MEMO1: variants seen among roughly 807,000 people sequenced by gnomAD.
MEMO1 encodes mediator of cell motility 1.
MEMO1 carries 6 observed loss-of-function variants against 45.2 expected under a neutral mutation model. That is an observed-to-expected ratio of 0.13 (90% CI 0.07 to 0.26). The LOEUF is 0.26. Among genes scored for constraint, MEMO1 ranks in the 10% least tolerant of loss-of-function variants. MEMO1 has a pLI of 1.00. For missense variants in MEMO1, 184 were observed against 370.5 expected, an observed-to-expected ratio of 0.50 and a Z score of 4.13; for synonymous variants, 78 against 124.3, an observed-to-expected ratio of 0.63 and a Z score of 2.48.
intron 5 of MEMO1, 112 bp from the exon 6 acceptor site, chr2:31,918,149 C>G: frequency 1.9e-6 from 1 of 515,820 alleles, no homozygotes. Flanking sequence ...GACAGAAACA[C>G]CATATAATAT....
intron 2 of MEMO1, among the ~76,000 whole-genome samples, chr2:31,972,685 T>C (rs1001029138): frequency 1.3e-5 from 2 of 152,030 alleles, no homozygotes; most frequent in Admixed American, 1.3e-4. Flanking sequence ...CACTCCAGCC[T>C]AGGCAACAGA....
chr2:31,873,857 T>A (rs1674156563), intron 8 of MEMO1, among the ~76,000 whole-genome samples: 1 of 152,012 alleles, frequency 6.6e-6, no homozygotes, highest in African/African-American at 2.4e-5. Flanking sequence ...ACAGTGAAAG[T>A]TTTATGGAAA....
chr2:31,973,322 C>T (rs1011530237), intron 2 of MEMO1, among the ~76,000 whole-genome samples: 2 of 151,880 alleles, frequency 1.3e-5, no homozygotes, highest in African/African-American at 4.8e-5. Context: ...TGTGTGGTGG[C>T]GGGTGCCTGT....
At chr2:31,992,501 G>T (rs928105239) in intron 2 of MEMO1, among the ~76,000 whole-genome samples, 1 of 152,160 alleles carries the variant, frequency 6.6e-6, no homozygotes, top group South Asian at 2.1e-4. Context: ...GTGAATTAAT[G>T]GGCGGGGCAC....
At chr2:31,887,397 T>A (rs2366297) in intron 7 of MEMO1, among the ~76,000 whole-genome samples, 65,850 of 151,928 alleles carry the variant, frequency 0.43, 14,489 homozygotes, top group Admixed American at 0.47. Context: ...AAGATAGATT[T>A]TCAGATACAT....
At chr2:31,945,281 C>T (rs943059988) in intron 2 of MEMO1, among the ~76,000 whole-genome samples, 2 of 152,166 alleles carry the variant, frequency 1.3e-5, no homozygotes, top group African/African-American at 4.8e-5. Flanking sequence ...ATTCACTTTC[C>T]TACTTACAAA....
chr2:31,868,591 T>TAA, intron 9 of MEMO1, 99 bp from the exon 10 acceptor site: 1 of 1,127,822 alleles, frequency 8.9e-7, no homozygotes, highest in Non-Finnish European at 1.2e-6. Flanking sequence ...AGCTGAAGCC[T>TAA]AGATTATCTC....
chr2:31,924,433 G>A (rs1260759605), intron 4 of MEMO1, among the ~76,000 whole-genome samples: 1 of 150,222 alleles, frequency 6.7e-6, no homozygotes, highest in Non-Finnish European at 1.5e-5. Flanking sequence ...CACATCATCG[G>A]TGATACACAA....
At chr2:31,934,108 A>G (rs1435340708) in intron 3 of MEMO1, among the ~76,000 whole-genome samples, 1 of 152,096 alleles carries the variant, frequency 6.6e-6, no homozygotes, top group Non-Finnish European at 1.5e-5. Context: ...GCCCAGCTCT[A>G]TCTCAAACCT....
chr2:31,982,419 G>A (rs543006667), intron 2 of MEMO1, among the ~76,000 whole-genome samples: 27 of 146,170 alleles, frequency 1.8e-4, no homozygotes, highest in African/African-American at 6.8e-4. Flanking sequence ...GTGAAAGCCC[G>A]TCTCTACTAA....
chr2:31,892,208 A>C (rs1677078647), intron 6 of MEMO1, 74 bp from the exon 7 acceptor site: 2 of 1,326,204 alleles, frequency 1.5e-6, no homozygotes, highest in Non-Finnish European at 2.1e-6. Context: ...TGTTGGCATT[A>C]GAAAGTGGAA....
At chr2:31,874,693 T>C (rs1287026388) in intron 8 of MEMO1, among the ~76,000 whole-genome samples, 1 of 152,008 alleles carries the variant, frequency 6.6e-6, no homozygotes, top group East Asian at 1.9e-4. Flanking sequence ...ATGTATATTA[T>C]TGGAATTCAA....
chr2:31,936,229 T>C (rs1664903724), intron 3 of MEMO1, among the ~76,000 whole-genome samples: 1 of 152,190 alleles, frequency 6.6e-6, no homozygotes, highest in South Asian at 2.1e-4. Flanking sequence ...CCCAAAGTGC[T>C]GGGATTACAG....
At chr2:31,893,455 T>C (rs1047844496) in intron 6 of MEMO1, 62 of 746,600 alleles carry the variant, frequency 8.3e-5, no homozygotes, top group Admixed American at 1.2e-4. Flanking sequence ...TGATTGTCAA[T>C]TGAAAGAAAA....
At chr2:31,987,599 A>G (rs1161153514) in intron 2 of MEMO1, among the ~76,000 whole-genome samples, 1 of 152,230 alleles carries the variant, frequency 6.6e-6, no homozygotes, top group African/African-American at 2.4e-5. Context: ...TAGTCATTCA[A>G]TCATTCATGA....
At chr2:31,889,769 C>T (rs1185208523) in intron 7 of MEMO1, among the ~76,000 whole-genome samples, 1 of 151,832 alleles carries the variant, frequency 6.6e-6, no homozygotes, top group African/African-American at 2.4e-5. Flanking sequence ...TCCATAAGTA[C>T]AAAGAAAACA....
intron 7 of MEMO1, among the ~76,000 whole-genome samples, chr2:31,890,400 ATGC>A (rs1239438163): frequency 6.6e-6 from 1 of 152,158 alleles, no homozygotes; most frequent in Non-Finnish European, 1.5e-5. Flanking sequence ...TAAGGAAAAT[ATGC>A]TGTTTTGCAG....
intron 4 of MEMO1, among the ~76,000 whole-genome samples, chr2:31,922,800 T>C (rs898804565): frequency 1.3e-5 from 2 of 152,042 alleles, no homozygotes; most frequent in Admixed American, 1.3e-4. Context: ...AGTGATATGA[T>C]CTCATTCTTT....
intron 3 of MEMO1, among the ~76,000 whole-genome samples, chr2:31,935,297 A>C (rs1279273970): frequency 6.6e-6 from 1 of 152,208 alleles, no homozygotes; most frequent in Non-Finnish European, 1.5e-5. Context: ...GCATAGGAAA[A>C]GCAATAAGCC....
Sources: gnomAD v4.1 joint callset for allele counts (sites outside exome capture counted in the v4.1 genomes callset) on GRCh38, gnomAD v4.1.1 for gene constraint, MANE v1.5 for transcripts, NCBI Gene and HGNC (gene_info 2026-07-23, HGNC 2026-07-21) for gene names.